Variants in AGPAT3 observed in about 807,000 individuals in gnomAD.
AGPAT3 encodes 1-acyl-sn-glycerol-3-phosphate acyltransferase gamma.
Under a neutral mutation model 47.3 loss-of-function variants are expected in AGPAT3, and 5 were observed. That is an observed-to-expected ratio of 0.11 (90% CI 0.06 to 0.22). The LOEUF is 0.22. Among genes scored for constraint, AGPAT3 ranks in the 10% least tolerant of loss-of-function variants. The pLI is 1.00. For synonymous variants in AGPAT3, 212 were observed against 208.3 expected, an observed-to-expected ratio of 1.02 and a Z score of -0.15; for missense variants, 315 against 493.0, an observed-to-expected ratio of 0.64 and a Z score of 3.42.
intron 1 of AGPAT3, among the ~76,000 whole-genome samples, chr21:43,887,688 T>C (rs1472346006): frequency 6.6e-6 from 1 of 152,252 alleles, no homozygotes; most frequent in Admixed American, 6.5e-5. Flanking sequence ...AGAGTTTCGC[T>C]CTGTCACGCA....
intron 2 of AGPAT3, 143 bp from the exon 3 acceptor site, chr21:43,959,491 G>A (rs1440445229): frequency 2.5e-5 from 17 of 690,124 alleles, no homozygotes; most frequent in South Asian, 3.5e-5. Flanking sequence ...TGTGTGGCAC[G>A]TGTGTGGGGT....
At chr21:43,893,693 T>C (rs1699377451) in intron 1 of AGPAT3, among the ~76,000 whole-genome samples, 1 of 152,160 alleles carries the variant, frequency 6.6e-6, no homozygotes, top group South Asian at 2.1e-4. Flanking sequence ...ATTTCAACAC[T>C]GCTGTGTAAC....
At chr21:43,948,852 A>G (rs1196254780) in intron 2 of AGPAT3, among the ~76,000 whole-genome samples, 1 of 152,246 alleles carries the variant, frequency 6.6e-6, no homozygotes, top group Non-Finnish European at 1.5e-5. Context: ...TGCTTCATGC[A>G]CATGGGATCC....
chr21:43,936,929 TA>T (rs1269609870), intron 2 of AGPAT3, among the ~76,000 whole-genome samples: 1 of 152,244 alleles, frequency 6.6e-6, no homozygotes. Flanking sequence ...TTTTTCCTCT[TA>T]AAAAAATGAC....
In AGPAT3 at chr21:43,939,927, G is replaced by A. The variant is rs2838443; in HGVS notation, c.-48-19707G>A. Among the ~76,000 whole-genome samples, 4,153 of 152,296 alleles carry A rather than the reference G, an allele frequency of 0.027. 174 individuals carry two copies. The highest frequency in any genetic ancestry group is 0.079 in the African/African-American group (3,272 of 41,554). On this transcript the variant is annotated intron_variant, in intron 2 of 9. Transcript: ENST00000291572. This position sits in a 1 kb window ranked among gnomAD's most constrained non-coding sequence, Gnocchi z 4.4. ...TGCTTATTGGATTAGCCGGTGCCCC[G>A]ACGGCAGAGCCCGCAGCTGTGCGCA...
chr21:43,951,859 C>T (rs890116077), intron 2 of AGPAT3, among the ~76,000 whole-genome samples: 13 of 152,116 alleles, frequency 8.5e-5, no homozygotes, highest in East Asian at 1.9e-4. Flanking sequence ...GTGGTGGGCT[C>T]GGAACTGTAG....
In AGPAT3 at chr21:43,984,681, A is replaced by AT. The variant is rs371899575; in HGVS notation, c.*2301dup. ...TAAAAACTACACCATGAATGTTTGA[A>AT]TTTTTTTTTTTTGGGGGGGGGAGGG... On this transcript the variant is annotated 3_prime_UTR_variant, in exon 10 of 10. Coordinates refer to ENST00000291572, the MANE Select transcript of AGPAT3 (RefSeq NM_020132.5). 6.6e-3 allele frequency: 825 copies of AT among 125,524 alleles called. 2 individuals are homozygous for AT. The highest frequency in any genetic ancestry group is 0.019 in the South Asian group (87 of 4,574). 7.8% of individuals were successfully genotyped at this position (125,524 alleles called of 1,614,324 possible). A position where few individuals can be genotyped will look rare whatever the true frequency, so the allele number is the denominator to read the frequency against.
chr21:43,953,711 G>T (rs1001890847), intron 2 of AGPAT3, among the ~76,000 whole-genome samples: 2 of 152,234 alleles, frequency 1.3e-5, no homozygotes. Context: ...AATGGTGGCT[G>T]TCAAATCATG....
intron 2 of AGPAT3, among the ~76,000 whole-genome samples, chr21:43,958,403 G>A (rs1417394287): frequency 6.6e-6 from 1 of 151,896 alleles, no homozygotes; most frequent in Non-Finnish European, 1.5e-5. Context: ...CAGTGCGTGT[G>A]GGATGTGGTG....
At chr21:43,923,572 G>T (rs1344913983) in intron 2 of AGPAT3, among the ~76,000 whole-genome samples, 2 of 152,204 alleles carry the variant, frequency 1.3e-5, no homozygotes, top group Non-Finnish European at 2.9e-5. Context: ...CCAATCCCAG[G>T]TTGTGATCCA....
At chr21:43,931,425 C>T (rs1254870173) in intron 2 of AGPAT3, among the ~76,000 whole-genome samples, 4 of 152,160 alleles carry the variant, frequency 2.6e-5, no homozygotes, top group Non-Finnish European at 5.9e-5. Flanking sequence ...TCAACATACT[C>T]GGTTCTTCTC....
intron 1 of AGPAT3, chr21:43,867,351 G>A (rs2085530601): frequency 6.6e-6 from 1 of 152,262 alleles, no homozygotes; most frequent in Non-Finnish European, 1.5e-5. Context: ...TCAGAGGTAG[G>A]TGGGAAATGT....
chr21:43,938,746 C>A (rs1034870900), intron 2 of AGPAT3, among the ~76,000 whole-genome samples: 1 of 152,188 alleles, frequency 6.6e-6, no homozygotes, highest in Non-Finnish European at 1.5e-5. Flanking sequence ...AACTTAGCAG[C>A]GAAAACAGCA....
chr21:43,950,086 T>G (rs1487794356), intron 2 of AGPAT3, among the ~76,000 whole-genome samples: 1 of 152,226 alleles, frequency 6.6e-6, no homozygotes, highest in African/African-American at 2.4e-5. Flanking sequence ...TGGGCCCAGA[T>G]GACCATGTGG....
intron 7 of AGPAT3, among the ~76,000 whole-genome samples, chr21:43,977,358 A>G (rs975189916): frequency 6.6e-6 from 1 of 152,226 alleles, no homozygotes; most frequent in Non-Finnish European, 1.5e-5. Flanking sequence ...AAGAATGAAC[A>G]TATTAAGAAA....
intron 8 of AGPAT3, among the ~76,000 whole-genome samples, chr21:43,980,386 G>A (rs2089803573): frequency 6.6e-6 from 1 of 152,244 alleles, no homozygotes; most frequent in South Asian, 2.1e-4. Flanking sequence ...TGGCTGCGGA[G>A]TGTCTGCTCT....
At chr21:43,941,223 T>G (rs1464452857) in intron 2 of AGPAT3, among the ~76,000 whole-genome samples, 1 of 152,140 alleles carries the variant, frequency 6.6e-6, no homozygotes, top group Non-Finnish European at 1.5e-5. Flanking sequence ...ACTGTGTTTG[T>G]TTTTCTTGGT....
chr21:43,920,753 C>G lies in AGPAT3; in HGVS notation c.-49+16734C>G, dbSNP rs920058143. On this transcript the variant is annotated intron_variant, in intron 2 of 9. Transcript: ENST00000291572. The surrounding 1 kb of genome is among the most constrained non-coding windows in gnomAD (Gnocchi z 6.1). ...GGAGGGTGGAGCCCTGGGGAGGGTA[C>G]AGCAGCTCCGAGCTCCCTGCCCCAT... Among the ~76,000 whole-genome samples, 3 of 152,076 alleles carry G rather than the reference C, an allele frequency of 2.0e-5. No individual in the cohort carries two copies. Among genetic ancestry groups the G allele is most frequent in the Admixed American group, 2.0e-4 (3 of 15,270 alleles).
Position 43,981,934 on chromosome 21 carries a change from C to T in AGPAT3, c.1043-370C>T, listed in dbSNP as rs2089867937. Among the ~76,000 whole-genome samples, 2 of 152,228 alleles carry T rather than the reference C, an allele frequency of 1.3e-5. No individual in the cohort carries two copies. The highest frequency in any genetic ancestry group is 2.9e-5 in the Non-Finnish European group (2 of 68,044). On this transcript the variant is annotated intron_variant, in intron 9 of 9. Transcript: ENST00000291572. This position sits in a 1 kb window ranked among gnomAD's most constrained non-coding sequence, Gnocchi z 5.3. ...CAGAGGACAGGATGTGACCTGCTTA[C>T]ATCCGAGGGTCCTGCTCGTCCACCT...
Sources: gnomAD v4.1 joint callset for allele counts (sites outside exome capture counted in the v4.1 genomes callset) on GRCh38, gnomAD v4.1.1 for gene constraint, Gnocchi (gnomAD v3.1) non-coding constraint, MANE v1.5 for transcripts, NCBI Gene and HGNC (gene_info 2026-07-23, HGNC 2026-07-21) for gene names.